The following HOXA2 variants were observed in gnomAD, a reference collection of about 807,000 sequenced individuals.
HOXA2 encodes the protein homeobox A2, also known as homeobox protein Hox-A2.
In HOXA2, 4 loss-of-function variants were observed where a neutral mutation model predicts 27.2. The ratio of observed to expected loss-of-function variants is 0.15; its 90% CI spans 0.07 to 0.34. The LOEUF is 0.34. Ranked by LOEUF, HOXA2 falls within the 10% of genes least tolerant of loss-of-function variation. The pLI is 1.00. For synonymous variants in HOXA2, 200 were observed against 202.8 expected (o/e 0.99, Z 0.12); for missense variants, 430 against 473.2 (o/e 0.91, Z 0.85).
In HOXA2 at chr7:27,100,751, A is replaced by G; in HGVS notation, c.1106T>C (p.Ile369Thr). The G allele has an allele frequency of 6.2e-7, 1 of 1,614,206 alleles. No homozygotes were observed. Among genetic ancestry groups the G allele is most frequent in the Non-Finnish European group, 8.5e-7 (1 of 1,180,050 alleles). Residue 369 changes from isoleucine to threonine, a missense_variant, in exon 2 of 2, where the codon ATC (isoleucine) becomes ACC (threonine). Physicochemically the swap from Ile to Thr is moderately conservative, Grantham distance 89 (BLOSUM62 -1). Coordinates refer to ENST00000222718, the MANE Select transcript of HOXA2 (RefSeq NM_006735.4). ...TTAGTAATTCAGATGCTGCAAGTCG[A>G]TTGTGGTGAGTGTGTCTGTAAAAAA... ...LDFFTDTLTT[I>T]DLQHLNY
chr7:27,100,662 G>T lies in HOXA2; in HGVS notation c.*64C>A, dbSNP rs1457368337. The T allele has an allele frequency of 6.4e-7, 1 of 1,569,386 alleles. No homozygotes were observed. The highest frequency in any genetic ancestry group is 8.7e-7 in the Non-Finnish European group (1 of 1,143,272). On this transcript the variant is annotated 3_prime_UTR_variant, in exon 2 of 2. Transcript: ENST00000222718. ...ATAAAAAATAAACTCCCAAATAAAA[G>T]AAGGCAAAACCACCTGGTCAAAGGA...
intron 1 of HOXA2, chr7:27,101,880 T>C: frequency 1.4e-6 from 1 of 727,302 alleles, no homozygotes; most frequent in Non-Finnish European, 2.4e-6. Context: ...TTCGGGAAAG[T>C]TTCCCCCCAC....
At position 27,101,494 on chromosome 7, in the gene HOXA2, C is replaced by G. The variant is rs201139490; in HGVS notation, c.392-29G>C. 2.5e-6 allele frequency: 4 copies of G among 1,598,746 alleles called. No homozygotes were observed. The Admixed American group carries it at 5.0e-5, about 20-fold the overall frequency. On this transcript the variant is annotated intron_variant, in intron 1 of 1. Transcript: ENST00000222718. ...CGGAAAGGGAAACCAACAAGAGACA[C>G]ACGCACAGTTGGAGGTGGAGGGGTC...
At chr7:27,101,542 G>A in intron 1 of HOXA2, 77 bp from the exon 2 acceptor site, 1 of 1,496,532 alleles carries the variant, frequency 6.7e-7, no homozygotes, top group Non-Finnish European at 9.2e-7. Context: ...TTCCACTGGA[G>A]AATAAATATA....
In HOXA2 at chr7:27,101,056, G is replaced by T; in HGVS notation, c.801C>A (p.Gly267=). 1 of 1,614,108 alleles carries T rather than the reference G, an allele frequency of 6.2e-7. No homozygotes were observed. Among genetic ancestry groups the T allele is most frequent in the African/African-American group, 1.3e-5 (1 of 75,002 alleles). The stretch of plus-strand genomic sequence containing the variant: ...GCGAGACTGGGAAACTTTGGGAGTC[G>T]CCATTGTGTCCATTGGGAGCCTGCT... The part of the protein sequence containing the change: ...SQQQAPNGHN[G]DSQSFPVSPL... Residue 267 remains glycine, a synonymous_variant, in exon 2 of 2, where the codon GGC becomes GGA. Transcript: ENST00000222718.
At chr7:27,101,547 A>C in intron 1 of HOXA2, 82 bp from the exon 2 acceptor site, 3 of 1,481,234 alleles carry the variant, frequency 2.0e-6, no homozygotes, top group Non-Finnish European at 2.8e-6. Context: ...CTGGAGAATA[A>C]ATATAGCAGA....
Position 27,100,597 on chromosome 7 carries a change from C to T in HOXA2, c.*129G>A, listed in dbSNP as rs1783908206. The T allele has an allele frequency of 1.0e-6, 1 of 974,324 alleles. No homozygotes were observed. Among genetic ancestry groups the T allele is most frequent in the Non-Finnish European group, 1.6e-6 (1 of 632,388 alleles). The allele number at this position is 974,324 out of a possible 1,614,324, so 60.4% of individuals were successfully genotyped here. On this transcript the variant is annotated 3_prime_UTR_variant, in exon 2 of 2. Coordinates refer to ENST00000222718, the MANE Select transcript of HOXA2 (RefSeq NM_006735.4). ...TCAGGGAATCACTAAACAGAAAATCCTCAACACTTAAAGGAGGGAAGGGGT... is the reference window on the plus strand; with the variant it reads ...TCAGGGAATCACTAAACAGAAAATCTTCAACACTTAAAGGAGGGAAGGGGT...
intron 1 of HOXA2, chr7:27,101,805 C>T: frequency 2.9e-6 from 2 of 690,862 alleles, no homozygotes; most frequent in Non-Finnish European, 2.6e-6. Context: ...AAAAGCCAAA[C>T]TCTAGGACAA....
rs1181457483 is a variant in HOXA2, at chr7:27,101,185, C to G, written c.672G>C (p.Glu224Asp). The G allele has an allele frequency of 1.2e-6, 2 of 1,614,172 alleles. No homozygotes were observed. The highest frequency in any genetic ancestry group is 1.7e-6 in the Non-Finnish European group (2 of 1,180,010). Reference protein sequence around the residue: ...CKSLEDSEKVEEDEEEKTLFE... With the variant: ...CKSLEDSEKVDEDEEEKTLFE... ...AGAGCGTCTTCTCTTCCTCGTCCTCCTCTACTTTCTCGGAGTCCTCAAGGC... is the reference window on the plus strand; with the variant it reads ...AGAGCGTCTTCTCTTCCTCGTCCTCGTCTACTTTCTCGGAGTCCTCAAGGC... The change falls in exon 2 of 2, where the codon GAG becomes GAC. Residue 224 changes from glutamate (E) to aspartate (D), a missense_variant. By Grantham distance (45) the Glu-to-Asp change is conservative. This residue lies in a region of HOXA2 where 236 missense variants were observed against 208.5 expected (regional missense o/e 1.13). Coordinates refer to ENST00000222718, the MANE Select transcript of HOXA2 (RefSeq NM_006735.4).
In HOXA2 at chr7:27,101,226, C is replaced by G; in HGVS notation, c.631G>C (p.Glu211Gln). Residue 211 changes from glutamate to glutamine, a missense_variant, in exon 2 of 2, where the codon GAA becomes CAA. This residue lies in a region of HOXA2 where 236 missense variants were observed against 208.5 expected (regional missense o/e 1.13). Coordinates refer to ENST00000222718, the MANE Select transcript of HOXA2 (RefSeq NM_006735.4). ...QTQCKENQNS[E>Q]GKCKSLEDSE... is the part of the protein sequence containing the mutation. ...TCCTCAAGGCTTTTACATTTCCCTT[C>G]GCTGTTTTGGTTTTCCTTGCACTGG... 2 of 1,614,208 alleles carry G rather than the reference C, an allele frequency of 1.2e-6. No homozygotes were observed. The highest frequency in any genetic ancestry group is 1.7e-6 in the Non-Finnish European group (2 of 1,180,032).
rs1183514519 is a variant in HOXA2, at chr7:27,101,075, G to C, written c.782C>G (p.Ala261Gly). 6.2e-7 allele frequency: 1 copy of C among 1,614,184 alleles called. No individual in the cohort carries two copies. The highest frequency in any genetic ancestry group is 8.5e-7 in the Non-Finnish European group (1 of 1,180,026). The change falls in exon 2 of 2, where the codon GCT becomes GGT. Residue 261 changes from alanine to glycine, a missense_variant. By Grantham distance (60) the Ala-to-Gly change is moderately conservative. Around this residue, in one of 4 missense-constraint regions of HOXA2, gnomAD observed 236 missense variants for 208.5 expected, o/e 1.13. Transcript: ENST00000222718. ...GGAGTCGCCATTGTGTCCATTGGGA[G>C]CCTGCTGCTGAGAGAGGGCATTTTG... Reference protein sequence around the residue: ...FQQNALSQQQAPNGHNGDSQS... With the variant: ...FQQNALSQQQGPNGHNGDSQS...
rs1426608706 is a variant in HOXA2 at position 27,102,420 on chromosome 7, A to G, written c.81T>C (p.Pro27=). The change falls in exon 1 of 2, where the codon CCT becomes CCC. Residue 27 remains proline (P), a synonymous_variant. Transcript: ENST00000222718. This position sits in a 1 kb window ranked among gnomAD's most constrained non-coding sequence, Gnocchi z 4.6. ...ATGAACTTTGAAATGTATCAGCGAC[A>G]GGGGGAAAAGATGTCAGGCACTCAG... ...SLAECLTSFP[P]VADTFQSSSI... is the part of the protein sequence containing the mutation. The G allele has an allele frequency of 1.9e-6, 3 of 1,614,006 alleles. No individual in the cohort carries two copies. Among genetic ancestry groups the G allele is most frequent in the South Asian group, 1.1e-5 (1 of 91,088 alleles).
Position 27,102,556 on chromosome 7 carries a change from G to T in HOXA2, c.-56C>A, listed in dbSNP as rs943488158. ...AAGTTCCCTCTTTTGGAGGGGCTTT[G>T]GGGGGGCAAGGCCTAGGAAAAAGGC... On this transcript the variant is annotated 5_prime_UTR_variant, in exon 1 of 2. Transcript: ENST00000222718. The surrounding 1 kb of genome is among the most constrained non-coding windows in gnomAD (Gnocchi z 4.6). 1.2e-5 allele frequency: 19 copies of T among 1,556,678 alleles called. No individual in the cohort carries two copies. The Admixed American group carries it at 2.8e-4, about 23-fold the overall frequency.
rs1166776688 is a variant in HOXA2, at chr7:27,101,194, C to G, written c.663G>C (p.Glu221Asp). ...EGKCKSLEDS[E>D]KVEEDEEEKT... The stretch of plus-strand genomic sequence containing the variant: ...TCTCTTCCTCGTCCTCCTCTACTTT[C>G]TCGGAGTCCTCAAGGCTTTTACATT... The change falls in exon 2 of 2, where the codon GAG becomes GAC. Residue 221 changes from glutamate to aspartate, a missense_variant. Around this residue, in one of 4 missense-constraint regions of HOXA2, gnomAD observed 236 missense variants for 208.5 expected, o/e 1.13. Transcript: ENST00000222718. 2 of 1,614,196 alleles carry G rather than the reference C, an allele frequency of 1.2e-6. No individual in the cohort carries two copies. Among genetic ancestry groups the G allele is most frequent in the Non-Finnish European group, 1.7e-6 (2 of 1,180,036 alleles).
Position 27,101,331 on chromosome 7 carries a change from T to A in HOXA2, c.526A>T (p.Ile176Phe). 6.2e-7 allele frequency: 1 copy of A among 1,614,028 alleles called. No individual in the cohort carries two copies. Among genetic ancestry groups the A allele is most frequent in the Non-Finnish European group, 8.5e-7 (1 of 1,180,036 alleles). The stretch of plus-strand genomic sequence containing the variant: ...TCAGTCAAATCCAGCAGCGCTGCAA[T>A]CTCCACCCTTCGGGGTCTGCAAAGG... Reference protein sequence around the residue: ...KYLCRPRRVEIAALLDLTERQ... With the variant: ...KYLCRPRRVEFAALLDLTERQ... Residue 176 changes from isoleucine to phenylalanine, a missense_variant, in exon 2 of 2, where the codon ATT becomes TTT. By Grantham distance (21) the Ile-to-Phe change is conservative. Around this residue, in one of 4 missense-constraint regions of HOXA2, gnomAD observed 26 missense variants for 41.0 expected, o/e 0.63. Transcript: ENST00000222718.
Position 27,102,141 on chromosome 7 carries a change from TGCGGCGGTG to T in HOXA2, c.351_359del (p.Thr118_Ala120del). The T allele has an allele frequency of 1.3e-6, 2 of 1,597,174 alleles. No individual in the cohort carries two copies. The highest frequency in any genetic ancestry group is 1.7e-6 in the Non-Finnish European group (2 of 1,172,464). On this transcript the variant is annotated inframe_deletion, in exon 1 of 2. Coordinates refer to ENST00000222718, the MANE Select transcript of HOXA2 (RefSeq NM_006735.4). This position sits in a 1 kb window ranked among gnomAD's most constrained non-coding sequence, Gnocchi z 4.6. ...GGCTGAGGCAAGCAGGGCCGGTGGCTGCGGCGGTGGCGGCGGCGGCGGCGGCCGGCAGAA... is the reference window on the plus strand; with the variant it reads ...GGCTGAGGCAAGCAGGGCCGGTGGCTGCGGCGGCGGCGGCGGCCGGCAGAA...
At position 27,100,749 on chromosome 7, in the gene HOXA2, C is replaced by A; in HGVS notation, c.1108G>T (p.Asp370Tyr). 1 of 1,614,116 alleles carries A rather than the reference C, an allele frequency of 6.2e-7. No homozygotes were observed. Among genetic ancestry groups the A allele is most frequent in the South Asian group, 1.1e-5 (1 of 91,062 alleles). The change falls in exon 2 of 2, where the codon GAC (aspartate) becomes TAC (tyrosine). Residue 370 changes from aspartate to tyrosine, a missense_variant. Around this residue, in one of 4 missense-constraint regions of HOXA2, gnomAD observed 236 missense variants for 208.5 expected, o/e 1.13. Coordinates refer to ENST00000222718, the MANE Select transcript of HOXA2 (RefSeq NM_006735.4). ...DFFTDTLTTI[D>Y]LQHLNY Reference sequence around the variant, plus strand: ...TTTTAGTAATTCAGATGCTGCAAGTCGATTGTGGTGAGTGTGTCTGTAAAA... The same window carrying A: ...TTTTAGTAATTCAGATGCTGCAAGTAGATTGTGGTGAGTGTGTCTGTAAAA...
Position 27,100,926 on chromosome 7 carries a change from T to G in HOXA2, c.931A>C (p.Asn311His). 1.9e-6 allele frequency: 3 copies of G among 1,614,122 alleles called. No individual in the cohort carries two copies. Among genetic ancestry groups the G allele is most frequent in the Non-Finnish European group, 2.5e-6 (3 of 1,180,004 alleles). The change falls in exon 2 of 2, where the codon AAT (asparagine) becomes CAT (histidine). Residue 311 changes from asparagine to histidine, a missense_variant. Asn to His is a moderately conservative substitution (Grantham distance 68). Transcript: ENST00000222718. ...MGQNCGAGLNNDSPEALEVPS... is the reference protein window; with the variant it reads ...MGQNCGAGLNHDSPEALEVPS... ...ACCTCAAGGGCCTCAGGACTGTCAT[T>G]GTTTAGGCCAGCTCCACAGTTCTGG...
At position 27,101,051 on chromosome 7, in the gene HOXA2, G is replaced by C; in HGVS notation, c.806C>G (p.Ser269Cys). 1 of 1,614,198 alleles carries C rather than the reference G, an allele frequency of 6.2e-7. No individual in the cohort carries two copies. The highest frequency in any genetic ancestry group is 8.5e-7 in the Non-Finnish European group (1 of 1,180,040). Residue 269 changes from serine to cysteine, a missense_variant, in exon 2 of 2, where the codon TCC (serine) becomes TGC (cysteine). Coordinates refer to ENST00000222718, the MANE Select transcript of HOXA2 (RefSeq NM_006735.4). ...QQAPNGHNGD[S>C]QSFPVSPLTS... ...TAAAGGCGAGACTGGGAAACTTTGG[G>C]AGTCGCCATTGTGTCCATTGGGAGC...
Sources: allele counts gnomAD v4.1 joint callset, GRCh38; gene constraint gnomAD v4.1.1; regional missense constraint gnomAD v4.1.1; non-coding constraint Gnocchi (gnomAD v3.1); transcripts MANE v1.5; gene names NCBI Gene and HGNC (gene_info 2026-07-23, HGNC 2026-07-21).